IGHMBP2: variants seen among roughly 807,000 people sequenced by gnomAD.
The protein encoded by IGHMBP2 is DNA-binding protein SMUBP-2.
Under a neutral mutation model 96.0 loss-of-function variants are expected in IGHMBP2, and 81 were observed. The ratio of observed to expected loss-of-function variants is 0.84; its 90% CI spans 0.71 to 1.01. IGHMBP2 has a LOEUF of 1.01. IGHMBP2 is among the 50% of genes least tolerant of loss of function. IGHMBP2 has a pLI of 0.00. For missense variants in IGHMBP2, 1,227 were observed against 1,306.3 expected (o/e 0.94, Z 0.94); for synonymous variants, 557 against 548.9 (o/e 1.01, Z -0.21).
At chr11:68,921,004 C>T (rs1858854904) in intron 7 of IGHMBP2, among the ~76,000 whole-genome samples, 2 of 152,076 alleles carry the variant, frequency 1.3e-5, no homozygotes, top group Non-Finnish European at 2.9e-5. Context: ...GCAATGTTGC[C>T]CAGGCTGGTC....
At chr11:68,921,659 T>C (rs1321690618) in intron 7 of IGHMBP2, among the ~76,000 whole-genome samples, 1 of 152,232 alleles carries the variant, frequency 6.6e-6, no homozygotes, top group Non-Finnish European at 1.5e-5. Flanking sequence ...TTTAAAGAGA[T>C]CTAAATAATA....
chr11:68,918,312 T>A (rs1858748750), intron 7 of IGHMBP2, among the ~76,000 whole-genome samples: 2 of 151,546 alleles, frequency 1.3e-5, no homozygotes, highest in South Asian at 2.1e-4. Flanking sequence ...TTTTTTTAAA[T>A]TTAGATTTTA....
Position 68,906,258 on chromosome 11 carries a change from G to A in IGHMBP2, c.256+20G>A. ...CTTCTGGTGTGTGCGTATTGACCTA[G>A]ACAGACATTGAAATTTACTGGCATT... On this transcript the variant is annotated intron_variant, in intron 2 of 14. Transcript: ENST00000255078. The A allele has an allele frequency of 6.2e-7, 1 of 1,613,406 alleles. No homozygotes were observed. Among genetic ancestry groups the A allele is most frequent in the Non-Finnish European group, 8.5e-7 (1 of 1,179,544 alleles).
chr11:68,915,166 C>CTTTCTTTTTTTTTTTT (rs1858605709), intron 6 of IGHMBP2, 143 bp downstream of exon 6: 1 of 176,576 alleles, frequency 5.7e-6, no homozygotes, highest in Non-Finnish European at 9.5e-6. Flanking sequence ...TTGGGCTGCC[C>CTTTCTTTTTTTTTTTT]TTTTTTTTTT....
chr11:68,914,671 TG>T, intron 5 of IGHMBP2, 151 bp from the exon 6 acceptor site: 1 of 827,106 alleles, frequency 1.2e-6, no homozygotes, highest in Non-Finnish European at 2.0e-6. Context: ...GGATCACACG[TG>T]GGCTTGGAAA....
intron 6 of IGHMBP2, 128 bp downstream of exon 6, chr11:68,915,151 A>G: frequency 2.0e-6 from 1 of 503,110 alleles, no homozygotes; most frequent in Admixed American, 3.5e-5. Flanking sequence ...TAATAATTTT[A>G]AAAATTGGGC....
chr11:68,919,204 C>CGTCCCT (rs1858787377), intron 7 of IGHMBP2, among the ~76,000 whole-genome samples: 1 of 150,152 alleles, frequency 6.7e-6, no homozygotes, highest in Non-Finnish European at 1.5e-5. Flanking sequence ...TCCCCGTCCC[C>CGTCCCT]GTCCTGTGTG....
At position 68,934,444 on chromosome 11, in the gene IGHMBP2, C is replaced by G; in HGVS notation, c.1538-20C>G. 6.3e-7 allele frequency: 1 copy of G among 1,578,150 alleles called. No homozygotes were observed. Among genetic ancestry groups the G allele is most frequent in the Non-Finnish European group, 8.7e-7 (1 of 1,155,382 alleles). On this transcript the variant is annotated intron_variant, in intron 10 of 14. Transcript: ENST00000255078. The stretch of plus-strand genomic sequence containing the variant: ...TTGGGGCGACCTTGTGCTGCTCACC[C>G]GTTCTTTCTTTCCCTCCAGGCGAAG...
chr11:68,910,193 C>T (rs1858377023), intron 4 of IGHMBP2, among the ~76,000 whole-genome samples: 1 of 152,248 alleles, frequency 6.6e-6, no homozygotes, highest in South Asian at 2.1e-4. Context: ...TGCAGTCCCT[C>T]AAGATGTGTT....
At chr11:68,919,560 T>C (rs1858802142) in intron 7 of IGHMBP2, among the ~76,000 whole-genome samples, 1 of 152,274 alleles carries the variant, frequency 6.6e-6, no homozygotes. Flanking sequence ...GAGTGTTCCA[T>C]GCACACTTGA....
Position 68,938,316 on chromosome 11 carries a change from T to C in IGHMBP2, c.2746T>C (p.Cys916Arg). 1 of 1,610,846 alleles carries C rather than the reference T, an allele frequency of 6.2e-7. No individual in the cohort carries two copies. The highest frequency in any genetic ancestry group is 8.5e-7 in the Non-Finnish European group (1 of 1,179,444). Residue 916 changes from cysteine (C) to arginine (R), a missense_variant, in exon 14 of 15, where the codon TGC (cysteine) becomes CGC (arginine). Coordinates refer to ENST00000255078, the MANE Select transcript of IGHMBP2 (RefSeq NM_002180.3). ...VTTLGQFCQL[C>R]SRRYCLSHHL... The stretch of plus-strand genomic sequence containing the variant: ...AACCCTGGGCCAGTTCTGCCAGCTC[T>C]GCAGCCGCCGCTACTGCCTCAGCCA...
chr11:68,922,886 A>T (rs536162070), intron 7 of IGHMBP2, among the ~76,000 whole-genome samples: 1 of 152,354 alleles, frequency 6.6e-6, no homozygotes, highest in Non-Finnish European at 1.5e-5. Flanking sequence ...GCCTAATCTC[A>T]CATCTGTCCC....
rs77729566 is a variant in IGHMBP2, at chr11:68,937,390, C to T, written c.2611+299C>T. 0.015 allele frequency among the ~76,000 whole-genome samples: 2,297 copies of T among 152,308 alleles called. 58 individuals are homozygous for T. Among genetic ancestry groups the T allele is most frequent in the African/African-American group, 0.052 (2,158 of 41,564 alleles). ...CCTGGAAGAGCAAACATGGATGGCT[C>T]CCTGGAGCCCCTCGGGAATGGAGCG... On this transcript the variant is annotated intron_variant, in intron 13 of 14. Coordinates refer to ENST00000255078, the MANE Select transcript of IGHMBP2 (RefSeq NM_002180.3).
Position 68,936,740 on chromosome 11 carries a change from GACAGGCTGCGGGTCC to G in IGHMBP2, c.2263_2277del (p.Arg755_His759del), listed in dbSNP as rs765654783. On this transcript the variant is annotated inframe_deletion, in exon 13 of 15. Coordinates refer to ENST00000255078, the MANE Select transcript of IGHMBP2 (RefSeq NM_002180.3). ...GTTTCCTCCTTCCCTCAATTCCCAC[GACAGGCTGCGGGTCC>G]ACCAAATAGCCGAGGAGCACGGGCT... 1 of 1,614,024 alleles carries G rather than the reference GACAGGCTGCGGGTCC, an allele frequency of 6.2e-7. No individual in the cohort carries two copies. The highest frequency in any genetic ancestry group is 1.3e-5 in the African/African-American group (1 of 75,056).
At chr11:68,922,233 G>T (rs1325927203) in intron 7 of IGHMBP2, among the ~76,000 whole-genome samples, 1 of 151,806 alleles carries the variant, frequency 6.6e-6, no homozygotes, top group Non-Finnish European at 1.5e-5. Context: ...CAGGAGACTC[G>T]CTTGAACCCG....
At chr11:68,911,387 A>C (rs1594422317) in intron 4 of IGHMBP2, 53 bp from the exon 5 acceptor site, 1 of 1,588,542 alleles carries the variant, frequency 6.3e-7, no homozygotes, top group Admixed American at 1.7e-5. Flanking sequence ...GAGGAGGAAC[A>C]CCCACAGAGC....
rs1408039969 is a variant in IGHMBP2, at chr11:68,909,186, G to C, written c.547+555G>C. 3.9e-3 allele frequency among the ~76,000 whole-genome samples: 393 copies of C among 99,690 alleles called. 8 individuals carry two copies. The highest frequency in any genetic ancestry group is 0.014 in the African/African-American group (367 of 26,006). 65.4% of individuals were successfully genotyped at this position (99,690 alleles called of 152,430 possible). The stretch of plus-strand genomic sequence containing the variant: ...AAAATTTTTTTTTGGCGGGGGGGGT[G>C]GAGGGGGGGGGCGGATGGAGTCTCG... On this transcript the variant is annotated intron_variant, in intron 4 of 14. Coordinates refer to ENST00000255078, the MANE Select transcript of IGHMBP2 (RefSeq NM_002180.3).
intron 9 of IGHMBP2, 76 bp downstream of exon 9, chr11:68,933,557 C>G: frequency 6.7e-7 from 1 of 1,481,786 alleles, no homozygotes; most frequent in Admixed American, 1.9e-5. Context: ...TTCTACGCAG[C>G]AAGCTAAAGT....
At chr11:68,932,362 G>C (rs1177046711) in intron 8 of IGHMBP2, 4 of 152,306 alleles carry the variant, frequency 2.6e-5, no homozygotes, top group African/African-American at 9.7e-5. Flanking sequence ...AGTGGAGCTG[G>C]GTACTGCCCC....
Sources: allele counts gnomAD v4.1 joint callset (sites outside exome capture counted in the v4.1 genomes callset), GRCh38; gene constraint gnomAD v4.1.1; transcripts MANE v1.5; gene names NCBI Gene and HGNC (gene_info 2026-07-23, HGNC 2026-07-21).